KRR1: variants seen among roughly 807,000 people sequenced by gnomAD.
The protein encoded by KRR1 is KRR1 small subunit processome component.
KRR1 carries 23 observed loss-of-function variants against 50.0 expected under a neutral mutation model. That is an observed-to-expected ratio of 0.46 (90% CI 0.33 to 0.65). KRR1 has a LOEUF of 0.65. Among genes scored for constraint, KRR1 ranks in the 30% least tolerant of loss-of-function variants. KRR1 has a pLI of 0.02. For missense variants in KRR1, 419 were observed against 442.4 expected (o/e 0.95, Z 0.47); for synonymous variants, 133 against 146.3 (o/e 0.91, Z 0.66).
chr12:75,511,482 A>AC, intron 1 of KRR1, 31 bp downstream of exon 1: 9 of 1,588,022 alleles, frequency 5.7e-6, no homozygotes, highest in Non-Finnish European at 7.8e-6. Flanking sequence ...ACGTACACAA[A>AC]CCCCAGGCTT....
Position 75,501,926 on chromosome 12 carries a change from T to C in KRR1, c.906A>G (p.Ile302Met), listed in dbSNP as rs1362010247. The C allele has an allele frequency of 6.8e-6, 11 of 1,612,562 alleles. No individual in the cohort carries two copies. Among genetic ancestry groups the C allele is most frequent in the Non-Finnish European group, 8.5e-6 (10 of 1,178,982 alleles). Residue 302 changes from isoleucine to methionine, a missense_variant, in exon 8 of 10, where the codon ATA (isoleucine) becomes ATG (methionine). Coordinates refer to ENST00000229214, the MANE Select transcript of KRR1 (RefSeq NM_007043.7). ...NQKKRQKMEA[I>M]KAKQAEAISK... ...AGCCAGACATAAAGTGCCGTACCTT[T>C]ATTGCTTCCATTTTCTGCCGCTTCT... is the stretch of plus-strand genomic sequence containing the variant.
chr12:75,506,633 A>G (rs763809273), intron 3 of KRR1, 24 bp from the exon 4 acceptor site: 5 of 1,535,918 alleles, frequency 3.3e-6, no homozygotes, highest in African/African-American at 2.8e-5. Context: ...AAAAAAAAAA[A>G]GAAGACATTA....
rs762497177 is a variant in KRR1, at chr12:75,495,601, T to C, written c.*4208A>G. Reference sequence around the variant, plus strand: ...GAGGGAATTACCCAACTTGGCCATATAAGAGAGGAGCCACCTGCAGTGCCT... The same window carrying C: ...GAGGGAATTACCCAACTTGGCCATACAAGAGAGGAGCCACCTGCAGTGCCT... On this transcript the variant is annotated 3_prime_UTR_variant, in exon 10 of 10. Transcript: ENST00000229214. The C allele has an allele frequency of 2.5e-6, 4 of 1,609,608 alleles. No individual in the cohort carries two copies. The highest frequency in any genetic ancestry group is 3.4e-6 in the Non-Finnish European group (4 of 1,175,958).
At chr12:75,505,317 T>A in intron 5 of KRR1, 63 bp from the exon 6 acceptor site, 1 of 1,467,548 alleles carries the variant, frequency 6.8e-7, no homozygotes, top group South Asian at 1.3e-5. Flanking sequence ...GAGAAGAGGA[T>A]TAATACTGCA....
At chr12:75,503,510 TA>T (rs2046408021) in intron 7 of KRR1, 1 of 153,720 alleles carries the variant, frequency 6.5e-6, no homozygotes, top group East Asian at 1.9e-4. Context: ...AAAGGAATCA[TA>T]ACTTAGAAAA....
At chr12:75,500,154 CAA>C (rs1240980391) in intron 9 of KRR1, 3 of 393,398 alleles carry the variant, frequency 7.6e-6, no homozygotes, top group African/African-American at 4.2e-5. Flanking sequence ...TAAGATAAAA[CAA>C]ATCATAAAAT....
intron 6 of KRR1, 126 bp downstream of exon 6, chr12:75,505,072 C>G: frequency 9.9e-7 from 1 of 1,010,118 alleles, no homozygotes; most frequent in Non-Finnish European, 1.4e-6. Flanking sequence ...CCTAATTTAC[C>G]CAAAATAGCT....
Position 75,509,635 on chromosome 12 carries a change from C to G in KRR1, c.86-1189G>C, listed in dbSNP as rs142833417. On this transcript the variant is annotated intron_variant, in intron 1 of 9. Transcript: ENST00000229214. ...ACAGGGCCTCGCTCTGTCACCCAGG[C>G]TGGAGTGCAATGGCTCCATCCCAGC... is the stretch of plus-strand genomic sequence containing the variant. Among the ~76,000 whole-genome samples the G allele has an allele frequency of 4.6e-3, 684 of 148,256 alleles. 3 individuals are homozygous for G. Among genetic ancestry groups the G allele is most frequent in the African/African-American group, 0.015 (610 of 40,036 alleles).
rs143959784 is a variant in KRR1 at position 75,495,648 on chromosome 12, T to G, written c.*4161A>C. The G allele has an allele frequency of 9.2e-5, 148 of 1,604,080 alleles. 1 individual carries two copies. The highest frequency in any genetic ancestry group is 1.2e-4 in the Non-Finnish European group (141 of 1,170,994). On this transcript the variant is annotated 3_prime_UTR_variant, in exon 10 of 10. Transcript: ENST00000229214. ...GCCTGCCCCAATAATGACAAGTGTT[T>G]GGACAATCTCTGTGGTGAGTAAAAG...
In KRR1 at chr12:75,495,997, G is replaced by GTTTTTTTTTTTTTTTTTTTTTTTT. The variant is rs370713345; in HGVS notation, c.*3811_*3812insAAAAAAAAAAAAAAAAAAAAAAAA. 1 of 132,126 alleles carries GTTTTTTTTTTTTTTTTTTTTTTTT rather than the reference G, an allele frequency of 7.6e-6. No homozygotes were observed. Among genetic ancestry groups the GTTTTTTTTTTTTTTTTTTTTTTTT allele is most frequent in the African/African-American group, 3.0e-5 (1 of 33,626 alleles). 8.2% of individuals were successfully genotyped at this position (132,126 alleles called of 1,614,324 possible). On this transcript the variant is annotated 3_prime_UTR_variant, in exon 10 of 10. Coordinates refer to ENST00000229214, the MANE Select transcript of KRR1 (RefSeq NM_007043.7). Reference sequence around the variant, plus strand: ...TCCAAACAAACAGAATTCTGTTTTCGTTTTTTTTTTTGTTTTTTTTTTTTG... The same window carrying GTTTTTTTTTTTTTTTTTTTTTTTT: ...TCCAAACAAACAGAATTCTGTTTTCGTTTTTTTTTTTTTTTTTTTTTTTTTTTTTTTTTTTGTTTTTTTTTTTTG...
rs145106577 is a variant in KRR1, at chr12:75,507,330, T to C, written c.259-414A>G. Among the ~76,000 whole-genome samples, 11 of 152,314 alleles carry C rather than the reference T, an allele frequency of 7.2e-5. No homozygotes were observed. The East Asian group carries it at 1.5e-3, about 21-fold the overall frequency. ...AATTGACTTTCCCTTTCAAACTTTT[T>C]TCGAGCTAATTAGGGGACTAAATAC... On this transcript the variant is annotated intron_variant, in intron 2 of 9. Transcript: ENST00000229214.
Position 75,498,432 on chromosome 12 carries a change from G to A in KRR1, c.*1377C>T, listed in dbSNP as rs551192996. 6 of 340,968 alleles carry A rather than the reference G, an allele frequency of 1.8e-5. No homozygotes were observed. Among genetic ancestry groups the A allele is most frequent in the African/African-American group, 1.3e-4 (6 of 47,040 alleles). The allele number at this position is 340,968 out of a possible 1,614,324, so 21.1% of individuals were successfully genotyped here. A position where few individuals can be genotyped will look rare whatever the true frequency, so the allele number is the denominator to read the frequency against. ...AATTTTATTACCTGCTAGGTATGAT[G>A]TGTAAAATGATTTTCCATTTATAGT... On this transcript the variant is annotated 3_prime_UTR_variant, in exon 10 of 10. Transcript: ENST00000229214.
chr12:75,497,169 A>G lies in KRR1; in HGVS notation c.*2640T>C, dbSNP rs931595918. ...TGACTTTGGGCAAGTTTCTGCTTCT[A>G]TTTTTTTCAACGAAACAACCCAGTG... On this transcript the variant is annotated 3_prime_UTR_variant, in exon 10 of 10. Transcript: ENST00000229214. 2 of 152,040 alleles carry G rather than the reference A, an allele frequency of 1.3e-5. No individual in the cohort carries two copies. The highest frequency in any genetic ancestry group is 2.9e-5 in the Non-Finnish European group (2 of 67,990). The allele number at this position is 152,040 out of a possible 1,614,324, so 9.4% of individuals were successfully genotyped here. A position where few individuals can be genotyped will look rare whatever the true frequency, so the allele number is the denominator to read the frequency against.
rs2046337845 is a variant in KRR1 at position 75,494,199 on chromosome 12, T to C, written c.*5610A>G. ...AGGTATCGTTATAAAGTTGTGTGTC[T>C]AAGGTGAGAGTTCTCAACTTTGGAG... On this transcript the variant is annotated 3_prime_UTR_variant, in exon 10 of 10. Transcript: ENST00000229214. The C allele has an allele frequency of 6.6e-6, 1 of 152,216 alleles. No individual in the cohort carries two copies. The highest frequency in any genetic ancestry group is 2.4e-5 in the African/African-American group (1 of 41,446). 9.4% of individuals were successfully genotyped at this position (152,216 alleles called of 1,614,324 possible).
At position 75,499,133 on chromosome 12, in the gene KRR1, C is replaced by CTCTA; in HGVS notation, c.*672_*675dup. 2.1e-6 allele frequency: 1 copy of CTCTA among 486,020 alleles called. No homozygotes were observed. The allele number at this position is 486,020 out of a possible 1,614,324, so 30.1% of individuals were successfully genotyped here. The stretch of plus-strand genomic sequence containing the variant: ...TTACTCAAAAGAAGAAATTTCCTAA[C>CTCTA]TCTATCAGATAAACTCATCTTTAGT... On this transcript the variant is annotated 3_prime_UTR_variant, in exon 10 of 10. Coordinates refer to ENST00000229214, the MANE Select transcript of KRR1 (RefSeq NM_007043.7).
intron 1 of KRR1, among the ~76,000 whole-genome samples, chr12:75,510,732 G>T (rs563861890): frequency 4.6e-5 from 7 of 152,252 alleles, no homozygotes; most frequent in African/African-American, 1.7e-4. Flanking sequence ...CTAGTTTCCC[G>T]CATGGTTTTA....
chr12:75,499,829 TCTTTTC>T lies in KRR1; in HGVS notation c.1120_1125del (p.Glu374_Lys375del). 6.2e-7 allele frequency: 1 copy of T among 1,600,354 alleles called. No homozygotes were observed. The highest frequency in any genetic ancestry group is 8.5e-7 in the Non-Finnish European group (1 of 1,175,154). On this transcript the variant is annotated inframe_deletion, in exon 10 of 10. Coordinates refer to ENST00000229214, the MANE Select transcript of KRR1 (RefSeq NM_007043.7). ...GTATGTTACTTTTTTTTCTTCTTTT[TCTTTTC>T]ATCTGCCTCCATCTTAAGTGCAATT...
Position 75,501,936 on chromosome 12 carries a change from A to G in KRR1, c.896T>C (p.Met299Thr), listed in dbSNP as rs1003764963. ...AAAGTGCCGTACCTTTATTGCTTCC[A>G]TTTTCTGCCGCTTCTTCTGATTTGC... ...LKANQKKRQK[M>T]EAIKAKQAEA... Residue 299 changes from methionine to threonine, a missense_variant, in exon 8 of 10, where the codon ATG (methionine) becomes ACG (threonine). Physicochemically the swap from Met to Thr is moderately conservative, Grantham distance 81. Transcript: ENST00000229214. 6.2e-7 allele frequency: 1 copy of G among 1,612,464 alleles called. No homozygotes were observed. Among genetic ancestry groups the G allele is most frequent in the Admixed American group, 1.7e-5 (1 of 59,894 alleles).
rs1322050743 is a variant in KRR1 at position 75,499,808 on chromosome 12, G to A, written c.*1C>T. 2 of 1,595,904 alleles carry A rather than the reference G, an allele frequency of 1.3e-6. No homozygotes were observed. Among genetic ancestry groups the A allele is most frequent in the African/African-American group, 2.7e-5 (2 of 73,482 alleles). The stretch of plus-strand genomic sequence containing the variant: ...GTTCTAGTCAAGGAGTTTTGGGTAT[G>A]TTACTTTTTTTTCTTCTTTTTCTTT... On this transcript the variant is annotated 3_prime_UTR_variant, in exon 10 of 10. Coordinates refer to ENST00000229214, the MANE Select transcript of KRR1 (RefSeq NM_007043.7).
Sources: allele counts gnomAD v4.1 joint callset (sites outside exome capture counted in the v4.1 genomes callset), GRCh38; gene constraint gnomAD v4.1.1; transcripts MANE v1.5; gene names NCBI Gene and HGNC (gene_info 2026-07-23, HGNC 2026-07-21).